LRRC7: variants seen among roughly 807,000 people sequenced by gnomAD.
The protein encoded by LRRC7 is leucine-rich repeat-containing protein 7.
LRRC7 carries 23 observed loss-of-function variants against 175.7 expected under a neutral mutation model. That is an observed-to-expected ratio of 0.13 (90% CI 0.09 to 0.19). LRRC7 has a LOEUF of 0.19. Among genes scored for constraint, LRRC7 ranks in the 10% least tolerant of loss-of-function variants. The pLI is 1.00. For missense variants in LRRC7, 1,354 were observed against 1,904.7 expected (o/e 0.71, Z 5.38); for synonymous variants, 685 against 680.9 (o/e 1.01, Z -0.09).
chr1:69,678,457 C>T lies in LRRC7; in HGVS notation c.79C>T (p.Arg27Trp), dbSNP rs376248362. The change falls in exon 2 of 27, where the codon CGG (arginine) becomes TGG (tryptophan). Residue 27 changes from arginine to tryptophan, a missense_variant. Transcript: ENST00000651989. Reference protein sequence around the residue: ...SPCKEVRAALRKRPEEELQCL... With the variant: ...SPCKEVRAALWKRPEEELQCL... ...TTGTAAAGAGGTTCGTGCAGCACTT[C>T]GGAAGAGGCCTGAAGAGGAGTGTAA... 4.5e-5 allele frequency: 72 copies of T among 1,603,826 alleles called. No homozygotes were observed. Among genetic ancestry groups the T allele is most frequent in the African/African-American group, 3.6e-4 (27 of 74,688 alleles).
chr1:70,044,163 GT>G, intron 22 of LRRC7, 69 bp downstream of exon 22: 1 of 1,538,296 alleles, frequency 6.5e-7, no homozygotes, highest in Non-Finnish European at 8.9e-7. Flanking sequence ...CACTTAATGT[GT>G]TTAGGCTATA....
intron 1 of LRRC7, among the ~76,000 whole-genome samples, chr1:69,659,099 A>T (rs1227478415): frequency 6.6e-6 from 1 of 152,056 alleles, no homozygotes; most frequent in Non-Finnish European, 1.5e-5. Context: ...CTAAGGAGGC[A>T]GGTTGGGAAA....
At chr1:69,612,297 C>T (rs1224242163) in intron 1 of LRRC7, among the ~76,000 whole-genome samples, 1 of 151,926 alleles carries the variant, frequency 6.6e-6, no homozygotes, top group Non-Finnish European at 1.5e-5. Context: ...TAAAAATCAT[C>T]ACTCATACTT....
At chr1:69,835,188 G>A (rs1024064544) in intron 6 of LRRC7, among the ~76,000 whole-genome samples, 8 of 151,558 alleles carry the variant, frequency 5.3e-5, no homozygotes, top group Admixed American at 4.0e-4. Context: ...TACCTTTATA[G>A]GCATAGAAGC....
chr1:69,579,794 CTTT>C (rs71242784), intron 1 of LRRC7, among the ~76,000 whole-genome samples: 4 of 127,182 alleles, frequency 3.1e-5, no homozygotes, highest in Admixed American at 8.2e-5. Context: ...TGAATAGAAG[CTTT>C]TTTTTTTTTT....
intron 1 of LRRC7, among the ~76,000 whole-genome samples, chr1:69,579,633 T>G (rs1004504461): frequency 2.0e-5 from 3 of 152,142 alleles, no homozygotes; most frequent in African/African-American, 7.2e-5. Flanking sequence ...AATGAATCGT[T>G]CCACTTATTC....
At chr1:69,573,526 A>C (rs1645821950) in intron 1 of LRRC7, among the ~76,000 whole-genome samples, 1 of 152,162 alleles carries the variant, frequency 6.6e-6, no homozygotes, top group Non-Finnish European at 1.5e-5. Context: ...TGTCATATAA[A>C]AGTACATTAT....
intron 2 of LRRC7, among the ~76,000 whole-genome samples, chr1:69,707,291 A>G (rs1664157149): frequency 6.6e-6 from 1 of 152,104 alleles, no homozygotes; most frequent in Admixed American, 6.6e-5. Flanking sequence ...ATGCCCCCAG[A>G]TGCAGCCTTC....
chr1:70,055,457 C>G (rs1294373141), intron 23 of LRRC7, among the ~76,000 whole-genome samples: 2 of 152,132 alleles, frequency 1.3e-5, no homozygotes, highest in African/African-American at 4.8e-5. Flanking sequence ...AGGTGAAAGT[C>G]AATGGAAACA....
intron 1 of LRRC7, among the ~76,000 whole-genome samples, chr1:69,575,969 G>A (rs1645928455): frequency 6.6e-6 from 1 of 152,020 alleles, no homozygotes; most frequent in Non-Finnish European, 1.5e-5. Context: ...TTTGGGCTGG[G>A]TGACTGTAAT....
intron 2 of LRRC7, among the ~76,000 whole-genome samples, chr1:69,729,281 T>C (rs1244326001): frequency 2.0e-5 from 3 of 152,148 alleles, no homozygotes; most frequent in Non-Finnish European, 4.4e-5. Context: ...ATCATGTCTT[T>C]CCAGCAGTCC....
chr1:69,638,048 A>G (rs1342028578), intron 1 of LRRC7, among the ~76,000 whole-genome samples: 1 of 151,896 alleles, frequency 6.6e-6, no homozygotes, highest in African/African-American at 2.4e-5. Flanking sequence ...TGTCAAGAAA[A>G]GAAATTTTGG....
intron 11 of LRRC7, among the ~76,000 whole-genome samples, chr1:69,997,880 T>C (rs906263496): frequency 2.6e-5 from 4 of 152,236 alleles, no homozygotes; most frequent in African/African-American, 9.6e-5. Flanking sequence ...GTTGTATCTC[T>C]GCCCGGCTTT....
chr1:69,991,562 C>G (rs1654440504), intron 10 of LRRC7, among the ~76,000 whole-genome samples: 1 of 152,072 alleles, frequency 6.6e-6, no homozygotes, highest in South Asian at 2.1e-4. Flanking sequence ...AAATAAATAT[C>G]TGGAATAGGA....
rs1256988159 is a variant in LRRC7, at chr1:70,139,834, A to G, written c.*17947A>G. ...CTTCTCAGATTATGCTGAAACTCCA[A>G]ATCCTTGTTAAAGGTTTTCCTGGAC... On this transcript the variant is annotated 3_prime_UTR_variant, in exon 27 of 27. Transcript: ENST00000651989. 1 of 152,150 alleles carries G rather than the reference A, an allele frequency of 6.6e-6. No individual in the cohort carries two copies. Among genetic ancestry groups the G allele is most frequent in the African/African-American group, 2.4e-5 (1 of 41,434 alleles). 9.4% of individuals were successfully genotyped at this position (152,150 alleles called of 1,614,324 possible).
chr1:69,881,059 T>G (rs1032414328), intron 7 of LRRC7, among the ~76,000 whole-genome samples: 5 of 152,234 alleles, frequency 3.3e-5, no homozygotes, highest in Non-Finnish European at 7.3e-5. Context: ...CATGGGACTT[T>G]GGATATAAAA....
chr1:69,697,445 A>C (rs1232587667), intron 2 of LRRC7, among the ~76,000 whole-genome samples: 1 of 152,180 alleles, frequency 6.6e-6, no homozygotes, highest in Non-Finnish European at 1.5e-5. Context: ...CATGTTTTTT[A>C]ATCAGATTCA....
At chr1:69,676,834 A>G (rs1256522922) in intron 1 of LRRC7, among the ~76,000 whole-genome samples, 1 of 151,968 alleles carries the variant, frequency 6.6e-6, no homozygotes, top group Admixed American at 6.6e-5. Flanking sequence ...GGTTACACAC[A>G]TGAATTGTAT....
At chr1:69,898,657 T>C (rs1293806471) in intron 7 of LRRC7, among the ~76,000 whole-genome samples, 1 of 135,190 alleles carries the variant, frequency 7.4e-6, no homozygotes, top group Non-Finnish European at 1.6e-5. Context: ...TCTGTTGCTA[T>C]CATCACTGCT....
Sources: gnomAD v4.1 joint callset for allele counts (sites outside exome capture counted in the v4.1 genomes callset) on GRCh38, gnomAD v4.1.1 for gene constraint, MANE v1.5 for transcripts, NCBI Gene and HGNC (gene_info 2026-07-23, HGNC 2026-07-21) for gene names.